Variants in SLC35E4 observed in about 807,000 individuals in gnomAD.
SLC35E4 encodes solute carrier family 35, member E4.
In SLC35E4, 15 loss-of-function variants were observed where a neutral mutation model predicts 19.3. The ratio of observed to expected loss-of-function variants is 0.78; its 90% confidence interval spans 0.52 to 1.20. The LOEUF is 1.20. Ranked by LOEUF, SLC35E4 falls within the 50% of genes most tolerant of loss-of-function variation. The pLI is 0.00. For synonymous variants in SLC35E4, 219 were observed against 219.9 expected (o/e 1.00, Z 0.04); for missense variants, 406 against 472.3 (o/e 0.86, Z 1.30).
chr22:30,659,898 A>G (rs2088424460), intron 2 of SLC35E4, among the ~76,000 whole-genome samples: 1 of 152,230 alleles, frequency 6.6e-6, no homozygotes, highest in Non-Finnish European at 1.5e-5. Context: ...AGAAGTATTT[A>G]AAGTGTGAGA....
chr22:30,639,322 A>G (rs2087998473), intron 1 of SLC35E4, among the ~76,000 whole-genome samples: 2 of 152,174 alleles, frequency 1.3e-5, no homozygotes, highest in Non-Finnish European at 2.9e-5. Flanking sequence ...TCACAAGGTA[A>G]TAGAATATCA....
intron 2 of SLC35E4, among the ~76,000 whole-genome samples, chr22:30,656,543 C>A (rs984341806): frequency 2.0e-5 from 3 of 152,120 alleles, no homozygotes; most frequent in Non-Finnish European, 4.4e-5. Context: ...TTCATGTAAT[C>A]AAAAAGAGGC....
downstream of SLC35E4, among the ~76,000 whole-genome samples, chr22:30,666,433 CAACATGGTGAAACCCCCGTCTCTACTA>C (rs2088666689): frequency 6.6e-6 from 1 of 151,952 alleles, no homozygotes; most frequent in African/African-American, 2.4e-5. Flanking sequence ...CCAGCCTGAC[CAACATGGTGAAACCCCCGTCTCTACTA>C]AAAATACAAA....
chr22:30,637,145 T>G lies in SLC35E4; in HGVS notation c.619+76T>G, dbSNP rs1002897702. On this transcript the variant is annotated intron_variant, in intron 1 of 1. Transcript: ENST00000343605. ...GGCCTGGATGGCCCTGTGAGGGGTA[T>G]GGCTGTTGTCCCATTTTACAAATGA... 13 of 1,498,998 alleles carry G rather than the reference T, an allele frequency of 8.7e-6. No homozygotes were observed. The African/African-American group carries it at 1.8e-4, about 21-fold the overall frequency. The allele number at this position is 1,498,998 out of a possible 1,614,324, so 92.9% of individuals were successfully genotyped here. A position where few individuals can be genotyped will look rare whatever the true frequency, so the allele number is the denominator to read the frequency against.
chr22:30,663,782 G>T (rs543649664), downstream of SLC35E4: 9 of 1,614,074 alleles, frequency 5.6e-6, no homozygotes, highest in Admixed American at 1.7e-5. Flanking sequence ...GTGAGTTAGG[G>T]GAGTCAGCCA....
intron 2 of SLC35E4, among the ~76,000 whole-genome samples, chr22:30,660,316 T>TG (rs2088431921): frequency 6.6e-6 from 1 of 151,772 alleles, no homozygotes; most frequent in African/African-American, 2.4e-5. Flanking sequence ...AAAAAATTTT[T>TG]TTTTTGAAAC....
chr22:30,657,628 G>A (rs1238288024), intron 2 of SLC35E4, among the ~76,000 whole-genome samples: 1 of 151,916 alleles, frequency 6.6e-6, no homozygotes, highest in Non-Finnish European at 1.5e-5. Flanking sequence ...AAATAGGCCA[G>A]GCGCGGTGGC....
chr22:30,652,469 A>C (rs1231760925), downstream of SLC35E4, among the ~76,000 whole-genome samples: 1 of 152,226 alleles, frequency 6.6e-6, no homozygotes, highest in Non-Finnish European at 1.5e-5. Context: ...GGAAAGGGCC[A>C]TTATCATCTT....
chr22:30,658,863 G>A (rs556918061), intron 2 of SLC35E4, among the ~76,000 whole-genome samples: 3 of 152,160 alleles, frequency 2.0e-5, no homozygotes, highest in Admixed American at 6.5e-5. Flanking sequence ...TGAACTGATC[G>A]GCTGGGCGCG....
intron 1 of SLC35E4, 68 bp from the exon 2 acceptor site, chr22:30,646,530 G>A (rs1252043567): frequency 1.3e-6 from 2 of 1,526,220 alleles, no homozygotes; most frequent in Non-Finnish European, 1.8e-6. Context: ...TCGGCCATAG[G>A]GGTCATACTG....
chr22:30,646,571 G>T (rs771554467), intron 1 of SLC35E4, 27 bp from the exon 2 acceptor site: 1 of 1,576,008 alleles, frequency 6.3e-7, no homozygotes, highest in South Asian at 1.2e-5. Context: ...GTCCTTCTGG[G>T]TGCTCATGGC....
Position 30,659,609 on chromosome 22 carries a change from T to C in SLC35E4, c.*9-2451T>C, listed in dbSNP as rs575437889. ...GTGGTCTCGAACTCCTGACCTCAGG[T>C]GATCCACCAGCCTCAACCTCCCAAA... is the stretch of plus-strand genomic sequence containing the variant. On this transcript the variant is annotated intron_variant, in intron 2 of 2. Coordinates refer to the SLC35E4 transcript ENST00000406566. Among the ~76,000 whole-genome samples the C allele has an allele frequency of 1.3e-4, 20 of 152,276 alleles. No individual in the cohort carries two copies. In the South Asian group the frequency reaches 4.2e-3, roughly 32 times the overall value.
intron 1 of SLC35E4, among the ~76,000 whole-genome samples, chr22:30,644,952 C>A (rs1303093691): frequency 2.0e-5 from 3 of 150,048 alleles, no homozygotes; most frequent in Admixed American, 6.7e-5. Flanking sequence ...GTCCTGGATT[C>A]ATCTTGACAA....
At chr22:30,666,454 T>G (rs570553162), downstream of SLC35E4, among the ~76,000 whole-genome samples, 1 of 151,958 alleles carries the variant, frequency 6.6e-6, no homozygotes, top group South Asian at 2.1e-4. Flanking sequence ...AACCCCCGTC[T>G]CTACTAAAAA....
At chr22:30,651,423 ATATATTTTTTTT>A (rs2088217260), downstream of SLC35E4, among the ~76,000 whole-genome samples, 1 of 37,468 alleles carries the variant, frequency 2.7e-5, no homozygotes, top group African/African-American at 1.0e-4. Flanking sequence ...ATATATATAT[ATATATTTTTTTT>A]TTTTTTTTTT....
chr22:30,650,487 C>A (rs2088192001), downstream of SLC35E4, among the ~76,000 whole-genome samples: 1 of 152,108 alleles, frequency 6.6e-6, no homozygotes, highest in Non-Finnish European at 1.5e-5. Flanking sequence ...CAGAATGAGA[C>A]TCCATCTCAA....
At chr22:30,663,268 A>G in exon 3 of SLC35E4, 1 of 706,726 alleles carries the variant, frequency 1.4e-6, no homozygotes, top group Non-Finnish European at 2.3e-6. Context: ...AATCTTAAAA[A>G]AAATGGATTA....
intron 2 of SLC35E4, chr22:30,654,382 T>C: frequency 2.2e-6 from 1 of 461,924 alleles, no homozygotes; most frequent in Admixed American, 2.4e-5. Flanking sequence ...CCAGCCAACT[T>C]TGTGATCCAG....
At chr22:30,657,906 A>AAAT (rs56297954) in intron 2 of SLC35E4, among the ~76,000 whole-genome samples, 8,004 of 129,854 alleles carry the variant, frequency 0.062, 222 homozygotes, top group Non-Finnish European at 0.069. Context: ...TCTGTCTCAA[A>AAAT]AATAATAATA....
Sources: allele counts gnomAD v4.1 joint callset (sites outside exome capture counted in the v4.1 genomes callset), GRCh38; gene constraint gnomAD v4.1.1; transcripts MANE v1.5; gene names NCBI Gene and HGNC (gene_info 2026-07-23, HGNC 2026-07-21).